Variants in CORIN observed in about 807,000 individuals in gnomAD.
CORIN encodes atrial natriuretic peptide-converting enzyme.
In CORIN, 117 loss-of-function variants were observed where a neutral mutation model predicts 125.3. That is an observed-to-expected ratio of 0.93 (90% CI 0.80 to 1.09). The LOEUF (loss-of-function observed/expected upper bound fraction) is 1.09. CORIN is among the 50% of genes least tolerant of loss of function. The pLI is 0.00. For synonymous variants in CORIN, 450 were observed against 466.4 expected (o/e 0.96, Z 0.45); for missense variants, 1,253 against 1,306.7 (o/e 0.96, Z 0.63).
At chr4:47,796,991 A>G (rs1731315192) in intron 2 of CORIN, among the ~76,000 whole-genome samples, 1 of 151,922 alleles carries the variant, frequency 6.6e-6, no homozygotes, top group South Asian at 2.1e-4. Context: ...CATTTGTTTC[A>G]TGCCTTCTTC....
chr4:47,714,832 A>G (rs980984492), intron 5 of CORIN, among the ~76,000 whole-genome samples: 3 of 152,244 alleles, frequency 2.0e-5, no homozygotes, highest in Non-Finnish European at 4.4e-5. Flanking sequence ...GATGGACATA[A>G]TTCCAAATCA....
chr4:47,728,495 G>A (rs1013331794), intron 5 of CORIN, among the ~76,000 whole-genome samples: 12 of 152,152 alleles, frequency 7.9e-5, no homozygotes, highest in East Asian at 1.9e-4. Flanking sequence ...ATGATGGGGC[G>A]TACAAAGCTG....
At chr4:47,626,826 T>C (rs1722589379) in intron 16 of CORIN, among the ~76,000 whole-genome samples, 1 of 152,218 alleles carries the variant, frequency 6.6e-6, no homozygotes, top group African/African-American at 2.4e-5. Flanking sequence ...GCTAGGTTTT[T>C]TTCCTCCTCT....
intron 16 of CORIN, among the ~76,000 whole-genome samples, chr4:47,635,620 G>T (rs945814003): frequency 6.6e-6 from 1 of 152,192 alleles, no homozygotes; most frequent in South Asian, 2.1e-4. Flanking sequence ...AGAGAGGAAG[G>T]CAGGGGCCAA....
At chr4:47,775,120 C>T (rs1222542539) in intron 3 of CORIN, among the ~76,000 whole-genome samples, 2 of 152,146 alleles carry the variant, frequency 1.3e-5, no homozygotes, top group African/African-American at 4.8e-5. Flanking sequence ...AGATGGCTGA[C>T]TAGACGCATA....
At chr4:47,821,010 G>T (rs1277451467) in intron 1 of CORIN, among the ~76,000 whole-genome samples, 1 of 152,174 alleles carries the variant, frequency 6.6e-6, no homozygotes, top group African/African-American at 2.4e-5. Flanking sequence ...GATGAGGCAG[G>T]CGGATCATGA....
chr4:47,767,471 G>C (rs1331148849), intron 3 of CORIN, among the ~76,000 whole-genome samples: 1 of 152,066 alleles, frequency 6.6e-6, no homozygotes, highest in African/African-American at 2.4e-5. Flanking sequence ...AACAATAACT[G>C]AAAATGTCGC....
At chr4:47,668,424 G>C (rs1453724346) in intron 10 of CORIN, among the ~76,000 whole-genome samples, 1 of 152,116 alleles carries the variant, frequency 6.6e-6, no homozygotes, top group Non-Finnish European at 1.5e-5. Flanking sequence ...GTTTGCTTTT[G>C]CCAAAGCAGA....
intron 1 of CORIN, among the ~76,000 whole-genome samples, chr4:47,827,233 G>A (rs894587867): frequency 1.3e-5 from 2 of 152,086 alleles, no homozygotes; most frequent in African/African-American, 4.8e-5. Context: ...TTTCTCTAGA[G>A]AGAGCCACTA....
intron 4 of CORIN, among the ~76,000 whole-genome samples, chr4:47,753,973 G>T (rs1177570007): frequency 2.0e-5 from 3 of 152,270 alleles, no homozygotes; most frequent in East Asian, 1.9e-4. Context: ...GCTCCAGCTG[G>T]TCCCTCCATT....
intron 10 of CORIN, among the ~76,000 whole-genome samples, chr4:47,674,182 G>A (rs542317886): frequency 3.9e-5 from 6 of 152,242 alleles, no homozygotes; most frequent in Admixed American, 3.3e-4. Flanking sequence ...ACTTATAGGC[G>A]TTCGCAATGA....
intron 5 of CORIN, among the ~76,000 whole-genome samples, chr4:47,707,758 T>C (rs1726643957): frequency 6.6e-6 from 1 of 152,120 alleles, no homozygotes; most frequent in South Asian, 2.1e-4. Context: ...AGAATATACC[T>C]GGGTATGTAC....
chr4:47,682,665 C>A (rs558595786), intron 7 of CORIN: 3 of 152,146 alleles, frequency 2.0e-5, no homozygotes, highest in Admixed American at 2.0e-4. Context: ...ACACTAATTA[C>A]CCTGATTTGA....
intron 5 of CORIN, among the ~76,000 whole-genome samples, chr4:47,731,445 T>C (rs1727868128): frequency 6.6e-6 from 1 of 152,138 alleles, no homozygotes; most frequent in South Asian, 2.1e-4. Context: ...ATCCAAGGCC[T>C]GAGGCACTCC....
chr4:47,703,266 T>A (rs1726393422), intron 5 of CORIN, among the ~76,000 whole-genome samples: 2 of 152,164 alleles, frequency 1.3e-5, no homozygotes, highest in South Asian at 4.1e-4. Context: ...ACAGCACATA[T>A]TCACTGGGTC....
At chr4:47,775,619 T>C (rs1730263753) in intron 3 of CORIN, among the ~76,000 whole-genome samples, 2 of 152,148 alleles carry the variant, frequency 1.3e-5, no homozygotes, top group South Asian at 4.1e-4. Context: ...TGGCATGCTT[T>C]AAACAGATCT....
chr4:47,800,092 TGG>T (rs1434522046), intron 2 of CORIN, among the ~76,000 whole-genome samples: 4 of 151,922 alleles, frequency 2.6e-5, no homozygotes, highest in Non-Finnish European at 5.9e-5. Flanking sequence ...GGTGAGGAGA[TGG>T]GGAGAGATTG....
intron 12 of CORIN, among the ~76,000 whole-genome samples, chr4:47,656,894 C>T (rs186111600): frequency 1.8e-3 from 274 of 152,204 alleles, no homozygotes; most frequent in Non-Finnish European, 2.8e-3. Context: ...TTAAAAACTC[C>T]GCCAAAAAGC....
intron 1 of CORIN, among the ~76,000 whole-genome samples, chr4:47,833,737 A>G (rs1015610397): frequency 6.6e-6 from 1 of 152,188 alleles, no homozygotes; most frequent in African/African-American, 2.4e-5. Flanking sequence ...TGATTTTAAA[A>G]TGGGAAAAAG....
Sources: allele counts gnomAD v4.1 joint callset (sites outside exome capture counted in the v4.1 genomes callset), GRCh38; gene constraint gnomAD v4.1.1; transcripts MANE v1.5; gene names NCBI Gene and HGNC (gene_info 2026-07-23, HGNC 2026-07-21).